C1orf21: variants seen among roughly 807,000 people sequenced by gnomAD.
C1orf21 encodes the protein chromosome 1 open reading frame 21.
In C1orf21, 3 loss-of-function variants were observed where a neutral mutation model predicts 18.7. The ratio of observed to expected loss-of-function variants is 0.16; its 90% confidence interval spans 0.07 to 0.42. C1orf21 has a LOEUF of 0.42. Ranked by LOEUF, C1orf21 falls within the 10% of genes least tolerant of loss-of-function variation. The pLI, the probability that C1orf21 is intolerant of heterozygous loss-of-function variation, is 0.99. For synonymous variants in C1orf21, 41 were observed against 46.4 expected, an observed-to-expected ratio of 0.88 and a Z score of 0.47; for missense variants, 104 against 143.6, an observed-to-expected ratio of 0.72 and a Z score of 1.41.
chr1:184,516,313 G>A (rs1658228370), intron 3 of C1orf21, among the ~76,000 whole-genome samples: 1 of 151,902 alleles, frequency 6.6e-6, no homozygotes, highest in South Asian at 2.1e-4. Flanking sequence ...AACAAAACAG[G>A]GTGTTTTAAT....
At chr1:184,508,951 T>G (rs1658105043) in intron 3 of C1orf21, among the ~76,000 whole-genome samples, 1 of 152,212 alleles carries the variant, frequency 6.6e-6, no homozygotes, top group African/African-American at 2.4e-5. Flanking sequence ...ATCGAAGACC[T>G]GAGTATTGAA....
At chr1:184,577,303 G>T (rs1355369938) in intron 3 of C1orf21, among the ~76,000 whole-genome samples, 1 of 151,874 alleles carries the variant, frequency 6.6e-6, no homozygotes, top group East Asian at 1.9e-4. Context: ...TGGCGTTGAA[G>T]ATGGAGAAAG....
intron 1 of C1orf21, among the ~76,000 whole-genome samples, chr1:184,447,722 G>A (rs1035463614): frequency 1.3e-5 from 2 of 151,936 alleles, no homozygotes; most frequent in South Asian, 2.1e-4. Context: ...TTAGACCCTC[G>A]ACATCTCTCC....
In C1orf21 at chr1:184,387,526, G is replaced by T. The variant is rs1370568656; in HGVS notation, c.-125+158G>T. The stretch of plus-strand genomic sequence containing the variant: ...GAGCCGCGGTCGTGGCGCTGCCTGC[G>T]CGGGGCCCGGGCCGGGGCTGCTGCT... On this transcript the variant is annotated intron_variant, in intron 1 of 5. Transcript: ENST00000235307. The surrounding 1 kb of genome is among the most constrained non-coding windows in gnomAD (Gnocchi z 5.6). Among the ~76,000 whole-genome samples the T allele has an allele frequency of 6.6e-6, 1 of 151,882 alleles. No homozygotes were observed. Among genetic ancestry groups the T allele is most frequent in the Admixed American group, 6.5e-5 (1 of 15,268 alleles).
At chr1:184,501,883 C>G (rs963783472) in intron 2 of C1orf21, among the ~76,000 whole-genome samples, 3 of 151,950 alleles carry the variant, frequency 2.0e-5, no homozygotes, top group African/African-American at 4.8e-5. Context: ...AACACCACAC[C>G]TCTAATAAGA....
At chr1:184,491,611 C>T (rs1275420664) in intron 2 of C1orf21, among the ~76,000 whole-genome samples, 44 of 152,178 alleles carry the variant, frequency 2.9e-4, no homozygotes, top group Non-Finnish European at 1.0e-4. Flanking sequence ...CTTGGCCTCC[C>T]AAAGTGCTGG....
intron 1 of C1orf21, among the ~76,000 whole-genome samples, chr1:184,435,277 A>AG (rs1656839994): frequency 6.6e-6 from 1 of 152,212 alleles, no homozygotes; most frequent in African/African-American, 2.4e-5. Context: ...CACTGAGCTC[A>AG]GGGATATGGT....
At chr1:184,405,998 A>G (rs1214750855) in intron 1 of C1orf21, among the ~76,000 whole-genome samples, 1 of 152,028 alleles carries the variant, frequency 6.6e-6, no homozygotes, top group Non-Finnish European at 1.5e-5. Flanking sequence ...TCTTCCTTCT[A>G]TTTTCATTAT....
At chr1:184,395,755 T>C (rs1656041388) in intron 1 of C1orf21, among the ~76,000 whole-genome samples, 1 of 152,118 alleles carries the variant, frequency 6.6e-6, no homozygotes, top group South Asian at 2.1e-4. Flanking sequence ...TTAATAATAG[T>C]GTTCCCTTTA....
intron 3 of C1orf21, among the ~76,000 whole-genome samples, chr1:184,573,686 T>C (rs892979289): frequency 6.6e-6 from 1 of 152,114 alleles, no homozygotes; most frequent in African/African-American, 2.4e-5. Flanking sequence ...AAAAATAATA[T>C]GATAAGTGGT....
intron 5 of C1orf21, among the ~76,000 whole-genome samples, chr1:184,599,995 A>C (rs1220992420): frequency 6.6e-6 from 1 of 151,928 alleles, no homozygotes; most frequent in Non-Finnish European, 1.5e-5. Flanking sequence ...GAAACGATGA[A>C]GATCTTTTCT....
chr1:184,492,308 A>G (rs1247872070), intron 2 of C1orf21, among the ~76,000 whole-genome samples: 1 of 152,176 alleles, frequency 6.6e-6, no homozygotes, highest in Non-Finnish European at 1.5e-5. Flanking sequence ...AGTGGGTGGA[A>G]CTGTGTGATT....
chr1:184,499,888 G>T (rs1214688688), intron 2 of C1orf21, among the ~76,000 whole-genome samples: 1 of 152,310 alleles, frequency 6.6e-6, no homozygotes, highest in East Asian at 1.9e-4. Flanking sequence ...ATCCTGAGTG[G>T]TTACCAAGGA....
intron 1 of C1orf21, among the ~76,000 whole-genome samples, chr1:184,432,176 A>G (rs897911638): frequency 2.6e-5 from 4 of 152,260 alleles, no homozygotes; most frequent in Admixed American, 6.5e-5. Flanking sequence ...TACTGGGTGT[A>G]TACCCAAAGG....
chr1:184,512,680 T>C (rs1299813297), intron 3 of C1orf21, among the ~76,000 whole-genome samples: 1 of 152,174 alleles, frequency 6.6e-6, no homozygotes, highest in East Asian at 1.9e-4. Flanking sequence ...AGCTTCACCA[T>C]TTCTAGCTTT....
chr1:184,415,436 G>A (rs1023284928), intron 1 of C1orf21, among the ~76,000 whole-genome samples: 6 of 152,160 alleles, frequency 3.9e-5, no homozygotes, highest in Non-Finnish European at 5.9e-5. Flanking sequence ...CTGTTCAGTA[G>A]GTCTGGGATG....
At chr1:184,401,966 G>A (rs1033041022) in intron 1 of C1orf21, among the ~76,000 whole-genome samples, 46 of 151,740 alleles carry the variant, frequency 3.0e-4, no homozygotes, top group African/African-American at 1.1e-3. Flanking sequence ...TTTCAATTTG[G>A]TCACTAAATT....
intron 1 of C1orf21, among the ~76,000 whole-genome samples, chr1:184,410,663 A>ATTTTT (rs71297843): frequency 0.029 from 219 of 7,662 alleles, 61 homozygotes; most frequent in East Asian, 0.054. Flanking sequence ...ATATATATAT[A>ATTTTT]TTTTTTTTTT....
At chr1:184,446,873 G>T (rs1657043146) in intron 1 of C1orf21, among the ~76,000 whole-genome samples, 1 of 143,378 alleles carries the variant, frequency 7.0e-6, no homozygotes, top group Non-Finnish European at 1.5e-5. Flanking sequence ...TTTTTTTGGA[G>T]ACAGGTACTG....
Sources: allele counts gnomAD v4.1 joint callset (sites outside exome capture counted in the v4.1 genomes callset), GRCh38; gene constraint gnomAD v4.1.1; non-coding constraint Gnocchi (gnomAD v3.1); transcripts MANE v1.5; gene names NCBI Gene and HGNC (gene_info 2026-07-23, HGNC 2026-07-21).